Variants in ASXL3 observed in about 807,000 individuals in gnomAD.
The protein encoded by ASXL3 is putative Polycomb group protein ASXL3.
Under a neutral mutation model 170.6 loss-of-function variants are expected in ASXL3, and 34 were observed. The ratio of observed to expected loss-of-function variants is 0.20; its 90% CI spans 0.15 to 0.27. The LOEUF is 0.27. Ranked by LOEUF, ASXL3 falls within the 10% of genes least tolerant of loss-of-function variation. The pLI, the probability that ASXL3 is intolerant of heterozygous loss-of-function variation, is 1.00. For missense variants in ASXL3, 2,592 were observed against 2,695.3 expected (o/e 0.96, Z 0.85); for synonymous variants, 1,002 against 989.1 (o/e 1.01, Z -0.24).
chr18:33,648,413 T>G (rs550698046), intron 4 of ASXL3, among the ~76,000 whole-genome samples: 1 of 152,130 alleles, frequency 6.6e-6, no homozygotes, highest in East Asian at 1.9e-4. Flanking sequence ...CTCCAGAGTT[T>G]GAGTATGTGA....
chr18:33,691,136 GATTGA>G (rs2066680769), intron 8 of ASXL3, among the ~76,000 whole-genome samples: 1 of 152,168 alleles, frequency 6.6e-6, no homozygotes, highest in Non-Finnish European at 1.5e-5. Flanking sequence ...CACAGCAATG[GATTGA>G]ATGGAGAAAG....
intron 8 of ASXL3, among the ~76,000 whole-genome samples, chr18:33,712,536 G>A (rs761951927): frequency 2.6e-5 from 4 of 152,124 alleles, no homozygotes; most frequent in Non-Finnish European, 4.4e-5. Context: ...ACTAGCTGAC[G>A]AGTGTTCTTG....
rs752655240 is a variant in ASXL3 at position 33,745,365 on chromosome 18, T to C, written c.5517T>C (p.Thr1839=). 1 of 1,613,716 alleles carries C rather than the reference T, an allele frequency of 6.2e-7. No homozygotes were observed. Among genetic ancestry groups the C allele is most frequent in the Non-Finnish European group, 8.5e-7 (1 of 1,179,880 alleles). Residue 1839 remains threonine (T), a synonymous_variant, in exon 12 of 12, where the codon ACT becomes ACC. Transcript: ENST00000269197. Reference sequence around the variant, plus strand: ...TAGCTAGGACTGTAGGAGAACACACTCAAGTTAAATGTGAACCAGGAAAAT... The same window carrying C: ...TAGCTAGGACTGTAGGAGAACACACCCAAGTTAAATGTGAACCAGGAAAAT... ...KRVARTVGEH[T]QVKCEPGKLL...
At chr18:33,636,674 C>G (rs985375509) in intron 2 of ASXL3, among the ~76,000 whole-genome samples, 1 of 151,994 alleles carries the variant, frequency 6.6e-6, no homozygotes, top group African/African-American at 2.4e-5. Flanking sequence ...TAGTGGGGAT[C>G]AGGAGGAAGA....
chr18:33,746,253 C>G lies in ASXL3; in HGVS notation c.6405C>G (p.Thr2135=), dbSNP rs774144576. The G allele has an allele frequency of 1.7e-5, 27 of 1,613,946 alleles. No homozygotes were observed. Among genetic ancestry groups the G allele is most frequent in the Non-Finnish European group, 2.2e-5 (26 of 1,179,898 alleles). Residue 2135 remains threonine (T), a synonymous_variant, in exon 12 of 12, where the codon ACC becomes ACG. Coordinates refer to ENST00000269197, the MANE Select transcript of ASXL3 (RefSeq NM_030632.3). ...YLLSEPQKPF[T]QLAAQKMQVQ... is the part of the protein sequence containing the mutation. ...TTTCTGAGCCACAAAAGCCTTTTAC[C>G]CAATTAGCTGCTCAGAAAATGCAGG... is the stretch of plus-strand genomic sequence containing the variant.
chr18:33,707,975 A>G (rs1454276216), intron 8 of ASXL3, among the ~76,000 whole-genome samples: 3 of 152,168 alleles, frequency 2.0e-5, no homozygotes, highest in African/African-American at 7.2e-5. Context: ...TATTCCTAGA[A>G]TGAACTTACA....
At chr18:33,595,294 C>A (rs950589743) in intron 1 of ASXL3, among the ~76,000 whole-genome samples, 10 of 151,952 alleles carry the variant, frequency 6.6e-5, no homozygotes, top group African/African-American at 2.4e-4. Flanking sequence ...AGAAATACAC[C>A]CTGCTTCTCA....
At chr18:33,736,944 G>A (rs991513262) in intron 10 of ASXL3, among the ~76,000 whole-genome samples, 1 of 152,090 alleles carries the variant, frequency 6.6e-6, no homozygotes, top group African/African-American at 2.4e-5. Flanking sequence ...TAACCAACTA[G>A]CAGAAATTTG....
At chr18:33,707,277 G>C (rs1278539681) in intron 8 of ASXL3, among the ~76,000 whole-genome samples, 2 of 151,766 alleles carry the variant, frequency 1.3e-5, no homozygotes, top group Admixed American at 6.6e-5. Context: ...TTTGGTTATG[G>C]ATTGCATCTA....
At chr18:33,607,868 C>T (rs907408887) in intron 2 of ASXL3, among the ~76,000 whole-genome samples, 192 bp downstream of exon 2, 3 of 151,956 alleles carry the variant, frequency 2.0e-5, no homozygotes, top group African/African-American at 4.8e-5. Context: ...TAATACATTA[C>T]GTTAGATGGA....
chr18:33,580,972 T>C (rs1027233272), intron 1 of ASXL3, among the ~76,000 whole-genome samples: 4 of 152,190 alleles, frequency 2.6e-5, no homozygotes, highest in Non-Finnish European at 4.4e-5. Context: ...ATGATTTGTA[T>C]AAGTGACTTA....
intron 2 of ASXL3, chr18:33,614,329 A>T (rs183642198): frequency 6.6e-6 from 1 of 152,276 alleles, no homozygotes; most frequent in East Asian, 1.9e-4. Flanking sequence ...TTACATATCT[A>T]TAAGAAGCAC....
rs937345974 is a variant in ASXL3 at position 33,740,045 on chromosome 18, T to C, written c.2641T>C (p.Leu881=). 4 of 1,613,860 alleles carry C rather than the reference T, an allele frequency of 2.5e-6. No individual in the cohort carries two copies. The highest frequency in any genetic ancestry group is 1.7e-6 in the Non-Finnish European group (2 of 1,179,856). ...AGAAAAAAAAGTGTTACCTTCACCATTGGAATTATCTGTCTTTTCTGAAGG... is the reference window on the plus strand; with the variant it reads ...AGAAAAAAAAGTGTTACCTTCACCACTGGAATTATCTGTCTTTTCTGAAGG... ...RTEKKVLPSP[L]ELSVFSEGTD... Residue 881 remains leucine, a synonymous_variant, in exon 11 of 12, where the codon TTG becomes CTG. Coordinates refer to ENST00000269197, the MANE Select transcript of ASXL3 (RefSeq NM_030632.3).
intron 2 of ASXL3, among the ~76,000 whole-genome samples, chr18:33,628,756 T>C (rs888030604): frequency 1.8e-5 from 1 of 56,956 alleles, no homozygotes; most frequent in Admixed American, 1.7e-4. Context: ...AAAATTTTTC[T>C]ATGTGGAACG....
intron 8 of ASXL3, among the ~76,000 whole-genome samples, chr18:33,721,768 G>C (rs1599542777): frequency 2.6e-5 from 4 of 152,062 alleles, no homozygotes; most frequent in Admixed American, 2.6e-4. Context: ...TTTTAATTTA[G>C]TTTGCTTTAT....
chr18:33,613,048 CAT>C (rs2065362796), intron 2 of ASXL3, among the ~76,000 whole-genome samples: 1 of 152,078 alleles, frequency 6.6e-6, no homozygotes, highest in South Asian at 2.1e-4. Context: ...TAAACAGAAA[CAT>C]AGGGCAATTT....
At chr18:33,635,196 A>C (rs1238112936) in intron 2 of ASXL3, among the ~76,000 whole-genome samples, 1 of 152,198 alleles carries the variant, frequency 6.6e-6, no homozygotes, top group East Asian at 1.9e-4. Flanking sequence ...GCCTCAAAAC[A>C]CGTGTATTTT....
At chr18:33,710,889 G>A (rs2067049438) in intron 8 of ASXL3, among the ~76,000 whole-genome samples, 1 of 151,756 alleles carries the variant, frequency 6.6e-6, no homozygotes, top group Non-Finnish European at 1.5e-5. Flanking sequence ...TGTTTGGGGG[G>A]GAACAAAGCC....
Position 33,661,609 on chromosome 18 carries a change from T to C in ASXL3, c.356-7T>C, listed in dbSNP as rs756405480. On this transcript the variant is annotated splice_region_variant and splice_polypyrimidine_tract_variant and intron_variant, in intron 4 of 11. Coordinates refer to ENST00000269197, the MANE Select transcript of ASXL3 (RefSeq NM_030632.3). ...TTAGTAATATCATTATCTCTCTCTG[T>C]TTCTAGTTTGTTCGAAGCAGGTAAC... 3 of 1,605,914 alleles carry C rather than the reference T, an allele frequency of 1.9e-6. No homozygotes were observed. The highest frequency in any genetic ancestry group is 1.7e-6 in the Non-Finnish European group (2 of 1,175,628).
Sources: gnomAD v4.1 joint callset for allele counts (sites outside exome capture counted in the v4.1 genomes callset) on GRCh38, gnomAD v4.1.1 for gene constraint, MANE v1.5 for transcripts, NCBI Gene and HGNC (gene_info 2026-07-23, HGNC 2026-07-21) for gene names.